The following NACA variants were observed in gnomAD, a reference collection of about 807,000 sequenced individuals.
NACA encodes nascent polypeptide associated complex subunit alpha, also known as nascent polypeptide-associated complex subunit alpha.
Under a neutral mutation model 86.4 loss-of-function variants are expected in NACA, and 42 were observed. That is an observed-to-expected ratio of 0.49 (90% confidence interval 0.38 to 0.63). The LOEUF is 0.63. NACA is among the 20% of genes least tolerant of loss of function. The pLI is 0.00. For missense variants in NACA, 2,157 were observed against 2,483.6 expected (o/e 0.87, Z 2.80); for synonymous variants, 898 against 973.7 (o/e 0.92, Z 1.45).
rs1167431335 is a variant in NACA, at chr12:56,717,214, G to A, written c.4316C>T (p.Thr1439Ile). 3.1e-6 allele frequency: 4 copies of A among 1,306,798 alleles called. No individual in the cohort carries two copies. Among genetic ancestry groups the A allele is most frequent in the East Asian group, 3.6e-5 (1 of 27,580 alleles). 81.0% of individuals were successfully genotyped at this position (1,306,798 alleles called of 1,614,324 possible). Residue 1439 changes from threonine to isoleucine, a missense_variant, in exon 3 of 9, where the codon ACT becomes ATT. By Grantham distance (89) the Thr-to-Ile change is moderately conservative. Around this residue, in one of 8 missense-constraint regions of NACA, gnomAD observed 797 missense variants for 777.6 expected, o/e 1.02. Coordinates refer to ENST00000454682, the MANE Select transcript of NACA (RefSeq NM_001365896.1). ...SKGDLTPPAV[T>I]PVSLKKAPAT... is the part of the protein sequence containing the mutation. ...TGGGGCCTTTTTGAGGGAGACAGGAGTCACTGCTGGGGGAGTGAGATCTCC... is the reference window on the plus strand; with the variant it reads ...TGGGGCCTTTTTGAGGGAGACAGGAATCACTGCTGGGGGAGTGAGATCTCC...
rs752948984 is a variant in NACA at position 56,717,298 on chromosome 12, G to T, written c.4232C>A (p.Ser1411Tyr). ...DPTSPAVIPL[S>Y]PKKAPATPVT... ...TGGAGTTGCTGGAGCCTTTTTGGGG[G>T]AGAGAGGAATCACTGCTGGGGAAGT... is the stretch of plus-strand genomic sequence containing the variant. Residue 1411 changes from serine to tyrosine, a missense_variant, in exon 3 of 9, where the codon TCC (serine) becomes TAC (tyrosine). By Grantham distance (144) the Ser-to-Tyr change is moderately radical. This residue lies in a region of NACA where 797 missense variants were observed against 777.6 expected (regional missense o/e 1.02). Coordinates refer to ENST00000454682, the MANE Select transcript of NACA (RefSeq NM_001365896.1). 5 of 1,344,530 alleles carry T rather than the reference G, an allele frequency of 3.7e-6. No individual in the cohort carries two copies. In the African/African-American group the frequency reaches 7.5e-5, roughly 20 times the overall value. 83.3% of individuals were successfully genotyped at this position (1,344,530 alleles called of 1,614,324 possible).
Position 56,716,713 on chromosome 12 carries a change from G to C in NACA, c.4817C>G (p.Thr1606Ser), listed in dbSNP as rs1173806106. 1 of 1,407,280 alleles carries C rather than the reference G, an allele frequency of 7.1e-7. No individual in the cohort carries two copies. The highest frequency in any genetic ancestry group is 1.4e-5 in the African/African-American group (1 of 69,516). The allele number at this position is 1,407,280 out of a possible 1,614,324, so 87.2% of individuals were successfully genotyped here. ...PKELLIPPAV[T>S]SPSPKEAPTP... The stretch of plus-strand genomic sequence containing the variant: ...AGGTGCCTCTTTGGGGGAAGGAGAA[G>C]TCACAGCTGGTGGAATGAGGAGCTC... The change falls in exon 3 of 9, where the codon ACT becomes AGT. Residue 1606 changes from threonine (T) to serine (S), a missense_variant. Transcript: ENST00000454682.
At chr12:56,715,097 T>C (rs768558715) in intron 3 of NACA, among the ~76,000 whole-genome samples, 12 of 152,128 alleles carry the variant, frequency 7.9e-5, no homozygotes, top group Non-Finnish European at 1.6e-4. Flanking sequence ...AAAACCAAAA[T>C]CACACCGTGG....
In NACA at chr12:56,717,505, G is replaced by A; in HGVS notation, c.4025C>T (p.Ser1342Phe). 2 of 1,335,558 alleles carry A rather than the reference G, an allele frequency of 1.5e-6. No homozygotes were observed. The highest frequency in any genetic ancestry group is 2.6e-4 in the Middle Eastern group (1 of 3,862). 82.7% of individuals were successfully genotyped at this position (1,335,558 alleles called of 1,614,324 possible). A position where few individuals can be genotyped will look rare whatever the true frequency, so the allele number is the denominator to read the frequency against. Residue 1342 changes from serine (S) to phenylalanine (F), a missense_variant, in exon 3 of 9, where the codon TCC becomes TTC. Ser to Phe is a radical substitution (Grantham distance 155, BLOSUM62 -2). Around this residue, in one of 8 missense-constraint regions of NACA, gnomAD observed 797 missense variants for 777.6 expected, o/e 1.02. Coordinates refer to ENST00000454682, the MANE Select transcript of NACA (RefSeq NM_001365896.1). ...TGGGAGAGTAGGGGTCCCTTTAGGGGAGGGAGGAGTTACAGCTGGGGGAGT... is the reference window on the plus strand; with the variant it reads ...TGGGAGAGTAGGGGTCCCTTTAGGGAAGGGAGGAGTTACAGCTGGGGGAGT... The part of the protein sequence containing the change: ...APTPPAVTPP[S>F]PKGTPTLPAT...
chr12:56,717,530 T>C lies in NACA; in HGVS notation c.4000A>G (p.Thr1334Ala). The C allele has an allele frequency of 5.3e-6, 6 of 1,126,592 alleles. No individual in the cohort carries two copies. The highest frequency in any genetic ancestry group is 5.5e-6 in the Non-Finnish European group (5 of 910,080). 69.8% of individuals were successfully genotyped at this position (1,126,592 alleles called of 1,614,324 possible). ...PGTPPPKGAP[T>A]PPAVTPPSPK... ...GAGGGAGGAGTTACAGCTGGGGGAG[T>C]GGGGGCCCCTTTGGGGGGTGGGGTA... The change falls in exon 3 of 9, where the codon ACT becomes GCT. Residue 1334 changes from threonine (T) to alanine (A), a missense_variant. Thr to Ala is a moderately conservative substitution (Grantham distance 58). Transcript: ENST00000454682.
chr12:56,714,624 T>G lies in NACA; in HGVS notation c.5723A>C (p.Gln1908Pro). 6.2e-7 allele frequency: 1 copy of G among 1,614,182 alleles called. No individual in the cohort carries two copies. The highest frequency in any genetic ancestry group is 8.5e-7 in the Non-Finnish European group (1 of 1,180,032). ...CACCTGGGCTTGTTGTGTGGTTGCC[T>G]GGGTGGAATCCTGTTCTTCAAGCTC... ...VPELEEQDSTQATTQQAQLAA... is the reference protein window; with the variant it reads ...VPELEEQDSTPATTQQAQLAA... Residue 1908 changes from glutamine to proline, a missense_variant, in exon 4 of 9, where the codon CAG (glutamine) becomes CCG (proline). By Grantham distance (76) the Gln-to-Pro change is moderately conservative. Around this residue, in one of 8 missense-constraint regions of NACA, gnomAD observed 797 missense variants for 777.6 expected, o/e 1.02. Coordinates refer to ENST00000454682, the MANE Select transcript of NACA (RefSeq NM_001365896.1).
At chr12:56,724,545 G>A (rs1953659020) in intron 1 of NACA, 22 bp from the exon 2 acceptor site, 3 of 1,606,770 alleles carry the variant, frequency 1.9e-6, no homozygotes, top group African/African-American at 1.3e-5. Flanking sequence ...GAATAAAAAG[G>A]AGGCCTAAAT....
intron 6 of NACA, 144 bp from the exon 7 acceptor site, chr12:56,713,334 GT>G (rs1953266574): frequency 8.0e-7 from 1 of 1,250,428 alleles, no homozygotes; most frequent in Non-Finnish European, 1.1e-6. Flanking sequence ...AGAAAGAGTA[GT>G]TGTTTAGGTT....
Position 56,719,255 on chromosome 12 carries a change from C to CTGAA in NACA, c.2271_2274dup (p.Ala759PhefsTer16). 1 of 1,546,294 alleles carries CTGAA rather than the reference C, an allele frequency of 6.5e-7. No homozygotes were observed. Among genetic ancestry groups the CTGAA allele is most frequent in the South Asian group, 1.1e-5 (1 of 89,506 alleles). Reference sequence around the variant, plus strand: ...GGAGAGGAAGCAACAGGTGCCAATGCTGAAGTATGAGAAATACCATCAACC... The same window carrying CTGAA: ...GGAGAGGAAGCAACAGGTGCCAATGCTGAATGAAGTATGAGAAATACCATCAACC... On this transcript the variant is annotated frameshift_variant, in exon 3 of 9. Transcript: ENST00000454682. LOFTEE classifies it high-confidence loss of function.
chr12:56,719,734 A>C lies in NACA; in HGVS notation c.1796T>G (p.Leu599Arg). Reference protein sequence around the residue: ...TLAKKSLGEPLPIGKPASSMT... With the variant: ...TLAKKSLGEPRPIGKPASSMT... ...ACTGCTGGCTGGCTTACCTATAGGG[A>C]GAGGCTCCCCAAGGCTTTTCTTTGC... is the stretch of plus-strand genomic sequence containing the variant. The change falls in exon 3 of 9, where the codon CTC (leucine) becomes CGC (arginine). Residue 599 changes from leucine to arginine, a missense_variant. Transcript: ENST00000454682. 5 of 1,613,914 alleles carry C rather than the reference A, an allele frequency of 3.1e-6. No homozygotes were observed. Among genetic ancestry groups the C allele is most frequent in the Non-Finnish European group, 4.2e-6 (5 of 1,179,874 alleles).
Position 56,720,106 on chromosome 12 carries a change from A to C in NACA, c.1424T>G (p.Ile475Arg). ...CAAGGCAGCAGGGGAAGTTGGTTCT[A>C]TGTTACTTATGGGACCTGATGACAT... Reference protein sequence around the residue: ...PPMSSGPISNIEPTSPAALVM... With the variant: ...PPMSSGPISNREPTSPAALVM... The change falls in exon 3 of 9, where the codon ATA (isoleucine) becomes AGA (arginine). Residue 475 changes from isoleucine (I) to arginine (R), a missense_variant. Physicochemically the swap from Ile to Arg is moderately conservative, Grantham distance 97. This residue lies in a region of NACA where 947 missense variants were observed against 917.9 expected (regional missense o/e 1.03). Transcript: ENST00000454682. 6.2e-7 allele frequency: 1 copy of C among 1,613,904 alleles called. No homozygotes were observed.
intron 5 of NACA, 198 bp from the exon 6 acceptor site, chr12:56,713,881 G>A (rs1343859366): frequency 8.8e-6 from 5 of 571,106 alleles, no homozygotes; most frequent in South Asian, 6.6e-5. Flanking sequence ...TTGCTCTGTC[G>A]CCCAGGCTGG....
chr12:56,721,055 TAAG>T lies in NACA; in HGVS notation c.472_474del (p.Leu158del), dbSNP rs766019145. The stretch of plus-strand genomic sequence containing the variant: ...GCTACAGCCACTGAAGGAGGTGAAG[TAAG>T]AAGGTTAGGTGGAAAAGCAGAACTC... On this transcript the variant is annotated inframe_deletion, in exon 3 of 9. Coordinates refer to ENST00000454682, the MANE Select transcript of NACA (RefSeq NM_001365896.1). The T allele has an allele frequency of 1.2e-5, 20 of 1,613,478 alleles. No individual in the cohort carries two copies. The highest frequency in any genetic ancestry group is 2.7e-5 in the African/African-American group (2 of 74,788).
chr12:56,720,001 G>A lies in NACA; in HGVS notation c.1529C>T (p.Pro510Leu), dbSNP rs1174273408. Reference sequence around the variant, plus strand: ...GAGATTTTTGAGGTCTTCAGGGTCTGGCAGAGGAGGAGAGACTGGTATCCT... The same window carrying A: ...GAGATTTTTGAGGTCTTCAGGGTCTAGCAGAGGAGGAGAGACTGGTATCCT... ...TLRIPVSPPL[P>L]DPEDLKNLPS... The change falls in exon 3 of 9, where the codon CCA becomes CTA. Residue 510 changes from proline to leucine, a missense_variant. By Grantham distance (98) the Pro-to-Leu change is moderately conservative (BLOSUM62 -3). Coordinates refer to ENST00000454682, the MANE Select transcript of NACA (RefSeq NM_001365896.1). 2.5e-6 allele frequency: 4 copies of A among 1,613,746 alleles called. No homozygotes were observed. Among genetic ancestry groups the A allele is most frequent in the Non-Finnish European group, 3.4e-6 (4 of 1,179,874 alleles).
At position 56,715,992 on chromosome 12, in the gene NACA, C is replaced by T. The variant is rs377576508; in HGVS notation, c.5538G>A (p.Pro1846=). ...DEDELLPLIP[P]EPISGGVPFQ... ...AAGGCACTCCCCCAGAGATTGGTTC[C>T]GGGGGAATCAGAGGCAGCAGCTCAT... Residue 1846 remains proline, a synonymous_variant, in exon 3 of 9, where the codon CCG becomes CCA. Coordinates refer to ENST00000454682, the MANE Select transcript of NACA (RefSeq NM_001365896.1). 118 of 1,588,000 alleles carry T rather than the reference C, an allele frequency of 7.4e-5. No homozygotes were observed. Among genetic ancestry groups the T allele is most frequent in the Middle Eastern group, 1.7e-4 (1 of 5,932 alleles).
At chr12:56,725,176 T>G (rs1238336461) in intron 1 of NACA, 87 bp downstream of exon 1, 1 of 152,334 alleles carries the variant, frequency 6.6e-6, no homozygotes, top group Non-Finnish European at 1.5e-5. Context: ...CCTCCAACTC[T>G]CCTTAACTCT....
intron 3 of NACA, 60 bp downstream of exon 3, chr12:56,715,811 G>T: frequency 7.1e-7 from 1 of 1,412,054 alleles, no homozygotes; most frequent in East Asian, 2.3e-5. Flanking sequence ...TTGGTGGGTA[G>T]CGCCCAAGAG....
At position 56,713,044 on chromosome 12, in the gene NACA, A is replaced by G. The variant is rs1261904919; in HGVS notation, c.6099+18T>C. On this transcript the variant is annotated intron_variant, in intron 7 of 8. Transcript: ENST00000454682. ...GCTATACGGCGAGAGTTAAATTATG[A>G]AAGATTTCCTAGTATACCTCTTCCT... 6.2e-7 allele frequency: 1 copy of G among 1,613,620 alleles called. No individual in the cohort carries two copies. Among genetic ancestry groups the G allele is most frequent in the Non-Finnish European group, 8.5e-7 (1 of 1,179,708 alleles).
intron 2 of NACA, among the ~76,000 whole-genome samples, chr12:56,721,927 G>A (rs1323020963): frequency 6.6e-6 from 1 of 152,160 alleles, no homozygotes; most frequent in East Asian, 1.9e-4. Flanking sequence ...CAAATATCAT[G>A]AACAGAAAAG....
Sources: gnomAD v4.1 joint callset for allele counts (sites outside exome capture counted in the v4.1 genomes callset) on GRCh38, gnomAD v4.1.1 for gene constraint, gnomAD v4.1.1 regional missense constraint, MANE v1.5 for transcripts, NCBI Gene and HGNC (gene_info 2026-07-23, HGNC 2026-07-21) for gene names.